TXNDC15: variants seen among roughly 807,000 people sequenced by gnomAD.
TXNDC15 encodes thioredoxin domain containing 15.
TXNDC15 carries 24 observed loss-of-function variants against 35.0 expected under a neutral mutation model. That is an observed-to-expected ratio of 0.68 (90% CI 0.50 to 0.96). The LOEUF is 0.96. TXNDC15 is among the 40% of genes least tolerant of loss of function. The pLI is 0.00. For synonymous variants in TXNDC15, 169 were observed against 174.0 expected, an observed-to-expected ratio of 0.97 and a Z score of 0.23; for missense variants, 385 against 453.3, an observed-to-expected ratio of 0.85 and a Z score of 1.37.
chr5:134,898,878 C>T (rs1261303107), intron 4 of TXNDC15, among the ~76,000 whole-genome samples: 2 of 152,152 alleles, frequency 1.3e-5, no homozygotes, highest in Admixed American at 6.5e-5. Context: ...AGTTCGAGAC[C>T]AGCCTGGCCA....
upstream of TXNDC15, chr5:134,873,893 TATTC>T (rs1379842833): frequency 1.3e-5 from 2 of 152,266 alleles, no homozygotes; most frequent in Non-Finnish European, 2.9e-5. Flanking sequence ...TAGTAAAAAA[TATTC>T]ATTATGTGAA....
At chr5:134,884,937 T>G (rs1409389032) in intron 1 of TXNDC15, among the ~76,000 whole-genome samples, 1 of 151,920 alleles carries the variant, frequency 6.6e-6, no homozygotes, top group East Asian at 1.9e-4. Context: ...TTTTTTTTTT[T>G]TCTGAGACGG....
chr5:134,891,610 A>G (rs1290112486), intron 2 of TXNDC15, among the ~76,000 whole-genome samples: 1 of 152,196 alleles, frequency 6.6e-6, no homozygotes, highest in Non-Finnish European at 1.5e-5. Context: ...TAAAGGCCCC[A>G]GGATCTTCAG....
chr5:134,882,520 G>A (rs1417312323), intron 1 of TXNDC15, among the ~76,000 whole-genome samples: 6 of 152,108 alleles, frequency 3.9e-5, no homozygotes, highest in South Asian at 4.1e-4. Flanking sequence ...GTAGCGAGCC[G>A]AGATCACGCC....
chr5:134,880,858 C>T (rs1224999954), intron 1 of TXNDC15, among the ~76,000 whole-genome samples: 1 of 151,320 alleles, frequency 6.6e-6, no homozygotes, highest in African/African-American at 2.4e-5. Flanking sequence ...GTTTTTTTTC[C>T]TCTGGCTGCT....
chr5:134,899,545 C>T lies in TXNDC15; in HGVS notation c.943C>T (p.Pro315Ser), dbSNP rs776199501. 2 of 1,613,978 alleles carry T rather than the reference C, an allele frequency of 1.2e-6. No homozygotes were observed. The highest frequency in any genetic ancestry group is 3.3e-5 in the Admixed American group (2 of 59,974). Residue 315 changes from proline to serine, a missense_variant, in exon 5 of 5, where the codon CCC becomes TCC. Physicochemically the swap from Pro to Ser is moderately conservative, Grantham distance 74. Transcript: ENST00000358387. ...VTQADQIGPL[P>S]STLIKSVDWL... The stretch of plus-strand genomic sequence containing the variant: ...TCAAGCCGACCAAATAGGCCCTCTT[C>T]CCAGCACTTTGATAAAAAGTGTGGA...
intron 1 of TXNDC15, among the ~76,000 whole-genome samples, chr5:134,884,406 G>A (rs1479657655): frequency 1.3e-5 from 2 of 150,828 alleles, no homozygotes; most frequent in Non-Finnish European, 1.5e-5. Flanking sequence ...GCGCCACCAC[G>A]CCAGGCTAAT....
intron 1 of TXNDC15, among the ~76,000 whole-genome samples, chr5:134,878,082 T>A (rs1237886876): frequency 6.6e-6 from 1 of 152,186 alleles, no homozygotes; most frequent in Non-Finnish European, 1.5e-5. Flanking sequence ...GCCTAATTTT[T>A]GTATTTTTTA....
chr5:134,891,455 T>G (rs1244391269), intron 2 of TXNDC15, among the ~76,000 whole-genome samples: 1 of 152,198 alleles, frequency 6.6e-6, no homozygotes, highest in African/African-American at 2.4e-5. Flanking sequence ...GTATAATATT[T>G]TGAAAGGAAT....
chr5:134,882,646 C>A (rs1213100323), intron 1 of TXNDC15, among the ~76,000 whole-genome samples: 1 of 152,296 alleles, frequency 6.6e-6, no homozygotes, highest in East Asian at 1.9e-4. Context: ...GAGACCAGCC[C>A]GGCCAACACA....
chr5:134,882,613 G>T (rs917852446), intron 1 of TXNDC15, among the ~76,000 whole-genome samples: 1 of 152,252 alleles, frequency 6.6e-6, no homozygotes, highest in Non-Finnish European at 1.5e-5. Flanking sequence ...CGAGGCTGGC[G>T]GATCACTCGC....
Position 134,899,934 on chromosome 5 carries a change from G to C in TXNDC15, c.*249G>C. 2.7e-6 allele frequency: 1 copy of C among 373,040 alleles called. No homozygotes were observed. Among genetic ancestry groups the C allele is most frequent in the South Asian group, 5.0e-5 (1 of 19,966 alleles). The allele number at this position is 373,040 out of a possible 1,614,324, so 23.1% of individuals were successfully genotyped here. On this transcript the variant is annotated 3_prime_UTR_variant, in exon 5 of 5. Transcript: ENST00000358387. ...GTTTTTACTGCATGAACGTAATCCA[G>C]TATTTGGAAAGTAATCCAGTTTGAA...
intron 1 of TXNDC15, among the ~76,000 whole-genome samples, chr5:134,884,408 C>G (rs1482823156): frequency 1.3e-5 from 2 of 151,066 alleles, no homozygotes; most frequent in Non-Finnish European, 2.9e-5. Flanking sequence ...GCCACCACGC[C>G]AGGCTAATTT....
At chr5:134,874,684 C>G (rs914893948) in intron 1 of TXNDC15, among the ~76,000 whole-genome samples, 154 bp downstream of exon 1, 2 of 152,182 alleles carry the variant, frequency 1.3e-5, no homozygotes, top group African/African-American at 4.8e-5. Context: ...CCCCGCGCAC[C>G]GCCCGCTGGT....
chr5:134,887,187 T>C (rs997731902), intron 1 of TXNDC15, among the ~76,000 whole-genome samples: 7 of 152,124 alleles, frequency 4.6e-5, no homozygotes, highest in Non-Finnish European at 7.3e-5. Context: ...TTTGCTTGTT[T>C]GTTTGTTTGT....
At chr5:134,884,574 G>T (rs1750237659) in intron 1 of TXNDC15, among the ~76,000 whole-genome samples, 1 of 147,236 alleles carries the variant, frequency 6.8e-6, no homozygotes. Flanking sequence ...TTTTTATTTA[G>T]TTATTTTTTT....
At chr5:134,899,365 A>G in intron 4 of TXNDC15, 124 bp from the exon 5 acceptor site, 1 of 741,932 alleles carries the variant, frequency 1.3e-6, no homozygotes, top group Non-Finnish European at 2.2e-6. Flanking sequence ...ATATTTATAT[A>G]TATACTAGTG....
chr5:134,884,403 C>T (rs560929125), intron 1 of TXNDC15, among the ~76,000 whole-genome samples: 36 of 151,092 alleles, frequency 2.4e-4, no homozygotes, highest in African/African-American at 8.5e-4. Flanking sequence ...CATGCGCCAC[C>T]ACGCCAGGCT....
chr5:134,874,634 C>G, intron 1 of TXNDC15, 104 bp downstream of exon 1: 1 of 910,726 alleles, frequency 1.1e-6, no homozygotes, highest in Non-Finnish European at 1.6e-6. Context: ...CGACTCGCCC[C>G]TTCTTGGCGT....
Sources: gnomAD v4.1 joint callset for allele counts (sites outside exome capture counted in the v4.1 genomes callset) on GRCh38, gnomAD v4.1.1 for gene constraint, MANE v1.5 for transcripts, NCBI Gene and HGNC (gene_info 2026-07-23, HGNC 2026-07-21) for gene names.